Variants in BAZ2B observed in about 807,000 individuals in gnomAD.
BAZ2B encodes the protein bromodomain adjacent to zinc finger domain protein 2B.
In BAZ2B, 91 loss-of-function variants were observed where a neutral mutation model predicts 246.0. That is an observed-to-expected ratio of 0.37 (90% confidence interval 0.31 to 0.44). The LOEUF (loss-of-function observed/expected upper bound fraction) is 0.44. BAZ2B is among the 20% of genes least tolerant of loss of function. The pLI, the probability that BAZ2B is intolerant of heterozygous loss-of-function variation, is 1.00. For synonymous variants in BAZ2B, 855 were observed against 860.0 expected (o/e 0.99, Z 0.10); for missense variants, 2,332 against 2,533.7 (o/e 0.92, Z 1.71).
chr2:159,415,690 G>C (rs1350481796), intron 13 of BAZ2B, among the ~76,000 whole-genome samples: 1 of 152,120 alleles, frequency 6.6e-6, no homozygotes, highest in Admixed American at 6.5e-5. Context: ...TTTTGGTTGA[G>C]TCACTAGAAG....
intron 2 of BAZ2B, among the ~76,000 whole-genome samples, chr2:159,549,464 A>C (rs1392797355): frequency 1.3e-5 from 2 of 152,172 alleles, no homozygotes; most frequent in African/African-American, 4.8e-5. Flanking sequence ...AGACAGAATG[A>C]ATCATTTCCC....
chr2:159,421,549 T>C (rs752106115), intron 13 of BAZ2B, among the ~76,000 whole-genome samples: 2 of 152,178 alleles, frequency 1.3e-5, no homozygotes, highest in African/African-American at 2.4e-5. Context: ...AATAATTACA[T>C]TGTTGTCCTT....
Position 159,398,836 on chromosome 2 carries a change from C to T in BAZ2B, c.2957G>A (p.Arg986Gln), listed in dbSNP as rs531627965. 9 of 1,610,184 alleles carry T rather than the reference C, an allele frequency of 5.6e-6. No individual in the cohort carries two copies. The highest frequency in any genetic ancestry group is 1.7e-4 in the Middle Eastern group (1 of 6,054). Residue 986 changes from arginine to glutamine, a missense_variant, in exon 18 of 37, where the codon CGA becomes CAA. Physicochemically the swap from Arg to Gln is conservative, Grantham distance 43. This residue lies in a region of BAZ2B where 328 missense variants were observed against 410.4 expected (regional missense o/e 0.80). Transcript: ENST00000392783. Reference protein sequence around the residue: ...ANAKLLEAEKRIKEKEMRRQQ... With the variant: ...ANAKLLEAEKQIKEKEMRRQQ... ...ATTCTCATCTAAACTAACCTTTATT[C>T]GTTTCTCGGCCTCCAATAATTTGGC...
At chr2:159,656,411 G>A in the BAZ2B span, among the ~76,000 whole-genome samples, 1 of 152,076 alleles carries the variant, frequency 6.6e-6, no homozygotes. Flanking sequence ...GATGTATAAT[G>A]ACATGTATCT....
At chr2:159,426,473 G>T (rs1428497751) in intron 13 of BAZ2B, among the ~76,000 whole-genome samples, 1 of 152,066 alleles carries the variant, frequency 6.6e-6, no homozygotes, top group Non-Finnish European at 1.5e-5. Flanking sequence ...TACAGAATGT[G>T]TAACACTGTG....
intron 3 of BAZ2B, among the ~76,000 whole-genome samples, chr2:159,469,723 G>A (rs928814751): frequency 2.6e-5 from 4 of 152,070 alleles, no homozygotes; most frequent in Admixed American, 6.6e-5. Context: ...TTACAGGCAT[G>A]AGCCACCATG....
At chr2:159,601,265 C>T (rs1692063305) in intron 1 of BAZ2B, among the ~76,000 whole-genome samples, 1 of 152,076 alleles carries the variant, frequency 6.6e-6, no homozygotes, top group Non-Finnish European at 1.5e-5. Context: ...CTGAGGTAAA[C>T]AAGCATTACC....
intron 1 of BAZ2B, among the ~76,000 whole-genome samples, chr2:159,568,754 G>A (rs2151547751): frequency 6.6e-6 from 1 of 152,212 alleles, no homozygotes; most frequent in East Asian, 1.9e-4. Flanking sequence ...GATTCAATTA[G>A]TAGCTAAAGT....
intron 2 of BAZ2B, among the ~76,000 whole-genome samples, chr2:159,481,585 G>A (rs2079233849): frequency 6.6e-6 from 1 of 151,850 alleles, no homozygotes; most frequent in Admixed American, 6.6e-5. Flanking sequence ...TAGTTTCACA[G>A]TGGAGAAACA....
rs1577807625 is a variant in BAZ2B at position 159,498,553 on chromosome 2, T to A, written c.-2-19832A>T. On this transcript the variant is annotated intron_variant, in intron 2 of 36. Transcript: ENST00000392783. ...CTAAAATAGTAAAACTGCTTTTCCC[T>A]GAGAAGTTAATATGTAATTTTATAA... Among the ~76,000 whole-genome samples, 7 of 152,336 alleles carry A rather than the reference T, an allele frequency of 4.6e-5. No homozygotes were observed. The South Asian group carries it at 1.4e-3, about 32-fold the overall frequency.
At chr2:159,376,904 AAG>A (rs1296842707) in intron 25 of BAZ2B, among the ~76,000 whole-genome samples, 1 of 152,202 alleles carries the variant, frequency 6.6e-6, no homozygotes, top group African/African-American at 2.4e-5. Context: ...AACAACAACT[AAG>A]AACACAGAAT....
intron 2 of BAZ2B, among the ~76,000 whole-genome samples, chr2:159,482,145 A>AC (rs70994302): frequency 0.014 from 2,043 of 151,102 alleles, 43 homozygotes; most frequent in African/African-American, 0.046. Context: ...CAAAAAAAAA[A>AC]CCCACAAAGT....
At chr2:159,487,970 A>G (rs1398391983) in intron 2 of BAZ2B, among the ~76,000 whole-genome samples, 1 of 152,162 alleles carries the variant, frequency 6.6e-6, no homozygotes, top group African/African-American at 2.4e-5. Context: ...ATCCAAATAC[A>G]AGAAGCTCAA....
chr2:159,614,470 C>A (rs1489951541), intron 1 of BAZ2B, among the ~76,000 whole-genome samples: 1 of 151,774 alleles, frequency 6.6e-6, no homozygotes, highest in African/African-American at 2.4e-5. Context: ...AAAAAGAAAA[C>A]CCCAGAACAT....
In BAZ2B at chr2:159,373,068, A is replaced by G. The variant is rs2061026140; in HGVS notation, c.4190T>C (p.Val1397Ala). 1.2e-6 allele frequency: 2 copies of G among 1,614,006 alleles called. No homozygotes were observed. The highest frequency in any genetic ancestry group is 8.5e-7 in the Non-Finnish European group (1 of 1,179,912). The change falls in exon 27 of 37, where the codon GTA (valine) becomes GCA (alanine). Residue 1397 changes from valine (V) to alanine (A), a missense_variant. Transcript: ENST00000392783. ...WILPQCGGIFVEGMESGEGLE... is the reference protein window; with the variant it reads ...WILPQCGGIFAEGMESGEGLE... ...ACCTTCACCACTCTCCATGCCTTCT[A>G]CAAAAATCCCCCCACATTGGGGAAG...
rs77492983 is a variant in BAZ2B, at chr2:159,577,973, T to C, written c.-45-22108A>G. Reference sequence around the variant, plus strand: ...TACATCAAATTGTCTGAAACCTCACTTGTTTTCACTTGTCATTAATTACCT... The same window carrying C: ...TACATCAAATTGTCTGAAACCTCACCTGTTTTCACTTGTCATTAATTACCT... On this transcript the variant is annotated intron_variant, in intron 1 of 36. Transcript: ENST00000392783. 6.7e-3 allele frequency among the ~76,000 whole-genome samples: 1,022 copies of C among 152,312 alleles called. 9 individuals are homozygous for C. The highest frequency in any genetic ancestry group is 0.011 in the Non-Finnish European group (772 of 68,014).
intron 20 of BAZ2B, among the ~76,000 whole-genome samples, chr2:159,391,457 T>C (rs76197642): frequency 0.061 from 9,337 of 152,240 alleles, 405 homozygotes; most frequent in Middle Eastern, 0.15. Flanking sequence ...GATCTATTAA[T>C]GATGTCCATA....
At chr2:159,591,143 A>C (rs1689308604) in intron 1 of BAZ2B, among the ~76,000 whole-genome samples, 1 of 152,208 alleles carries the variant, frequency 6.6e-6, no homozygotes, top group Admixed American at 6.5e-5. Context: ...CCTATGAATA[A>C]AAATCACATT....
intron 9 of BAZ2B, 43 bp from the exon 10 acceptor site, chr2:159,431,199 C>A: frequency 6.5e-7 from 1 of 1,546,662 alleles, no homozygotes; most frequent in South Asian, 1.3e-5. Flanking sequence ...ACTAGATAAT[C>A]ACCAATAATT....
Sources: allele counts gnomAD v4.1 joint callset (sites outside exome capture counted in the v4.1 genomes callset), GRCh38; gene constraint gnomAD v4.1.1; regional missense constraint gnomAD v4.1.1; transcripts MANE v1.5; gene names NCBI Gene and HGNC (gene_info 2026-07-23, HGNC 2026-07-21).